LATS2: variants seen among roughly 807,000 people sequenced by gnomAD.
LATS2 encodes the protein large tumor suppressor kinase 2, also known as serine/threonine-protein kinase LATS2.
In LATS2, 24 loss-of-function variants were observed where a neutral mutation model predicts 76.0. That is an observed-to-expected ratio of 0.32 (90% CI 0.23 to 0.44). The LOEUF is 0.44. LATS2 is among the 20% of genes least tolerant of loss of function. The pLI, the probability that LATS2 is intolerant of heterozygous loss-of-function variation, is 1.00. For synonymous variants in LATS2, 692 were observed against 635.4 expected (o/e 1.09, Z -1.34); for missense variants, 1,286 against 1,481.2 (o/e 0.87, Z 2.16).
At chr13:21,023,491 T>C (rs1037006817) in intron 2 of LATS2, among the ~76,000 whole-genome samples, 1 of 151,550 alleles carries the variant, frequency 6.6e-6, no homozygotes, top group Non-Finnish European at 1.5e-5. Context: ...CTTCCCGTCC[T>C]TGGCCTCTGT....
intron 7 of LATS2, among the ~76,000 whole-genome samples, chr13:20,978,899 T>C (rs1869746329): frequency 6.6e-6 from 1 of 152,132 alleles, no homozygotes; most frequent in Non-Finnish European, 1.5e-5. Flanking sequence ...GTAGCTGGGA[T>C]TACAGGTGCA....
intron 2 of LATS2, among the ~76,000 whole-genome samples, chr13:21,027,231 A>T (rs1258321146): frequency 6.6e-6 from 1 of 152,210 alleles, no homozygotes; most frequent in African/African-American, 2.4e-5. Flanking sequence ...CCAATCTACC[A>T]GTTTTCCTTT....
At chr13:20,995,118 G>C (rs922881003) in intron 2 of LATS2, among the ~76,000 whole-genome samples, 3 of 152,072 alleles carry the variant, frequency 2.0e-5, no homozygotes, top group African/African-American at 7.2e-5. Context: ...GGTTGCTCTA[G>C]GGATGAAAGG....
chr13:20,995,158 T>TG (rs1870696577), intron 2 of LATS2, among the ~76,000 whole-genome samples: 1 of 152,174 alleles, frequency 6.6e-6, no homozygotes, highest in African/African-American at 2.4e-5. Context: ...CAGCATCACT[T>TG]AAGGGTTAGC....
intron 2 of LATS2, among the ~76,000 whole-genome samples, chr13:21,030,435 C>A (rs375208071): frequency 2.0e-5 from 3 of 151,370 alleles, no homozygotes; most frequent in African/African-American, 7.3e-5. Context: ...TAAAAATGCA[C>A]AAAATTAGCC....
chr13:20,986,174 T>C (rs1870132831), intron 4 of LATS2, among the ~76,000 whole-genome samples: 1 of 152,076 alleles, frequency 6.6e-6, no homozygotes, highest in South Asian at 2.1e-4. Flanking sequence ...CACAATGAGA[T>C]ATAATCTCTC....
At chr13:20,987,828 G>A (rs902593743) in intron 4 of LATS2, 53 bp downstream of exon 4, 1 of 1,574,230 alleles carries the variant, frequency 6.4e-7, no homozygotes, top group Non-Finnish European at 8.6e-7. Flanking sequence ...GCTTCCTATT[G>A]CCAGTAGAGG....
At chr13:21,000,395 T>C (rs1437552391) in intron 2 of LATS2, among the ~76,000 whole-genome samples, 1 of 151,850 alleles carries the variant, frequency 6.6e-6, no homozygotes, top group African/African-American at 2.4e-5. Flanking sequence ...ATAATAATAA[T>C]AATAATAAAG....
chr13:21,060,689 G>T (rs1873609852), intron 1 of LATS2, among the ~76,000 whole-genome samples: 1 of 151,626 alleles, frequency 6.6e-6, no homozygotes, highest in Non-Finnish European at 1.5e-5. Flanking sequence ...GGGCTGAGGG[G>T]CGGCGCGGCC....
intron 2 of LATS2, among the ~76,000 whole-genome samples, chr13:20,993,021 T>C (rs1217606864): frequency 1.7e-5 from 2 of 114,348 alleles, no homozygotes; most frequent in East Asian, 5.1e-4. Context: ...GGCGACAAAG[T>C]GTGACTCCAT....
intron 1 of LATS2, among the ~76,000 whole-genome samples, chr13:21,047,966 T>C (rs577244423): frequency 1.4e-3 from 208 of 152,316 alleles, no homozygotes; most frequent in Admixed American, 3.2e-3. Flanking sequence ...GAAATCCCTA[T>C]TTTAATACAC....
rs149570091 is a variant in LATS2 at position 20,992,379 on chromosome 13, T to C, written c.343-975A>G. ...ATCAGCAGGTCAGGCTGGGGGCGGCTGTGGGTGCAGAGCTGGAGGCACTCA... is the reference window on the plus strand; with the variant it reads ...ATCAGCAGGTCAGGCTGGGGGCGGCCGTGGGTGCAGAGCTGGAGGCACTCA... On this transcript the variant is annotated intron_variant, in intron 2 of 7. Coordinates refer to ENST00000382592, the MANE Select transcript of LATS2 (RefSeq NM_014572.3). Among the ~76,000 whole-genome samples the C allele has an allele frequency of 5.3e-3, 813 of 152,182 alleles. 9 individuals carry two copies. The highest frequency in any genetic ancestry group is 0.019 in the African/African-American group (775 of 41,518).
At position 20,983,476 on chromosome 13, in the gene LATS2, C is replaced by T; in HGVS notation, c.2230G>A (p.Val744Met). Residue 744 changes from valine (V) to methionine (M), a missense_variant, in exon 5 of 8, where the codon GTG (valine) becomes ATG (methionine). Transcript: ENST00000382592. ...SFQDKDSLYF[V>M]MDYIPGGDMM... Reference sequence around the variant, plus strand: ...TCCCCACCAGGGATGTAGTCCATCACAAAGTACAGGCTGTCTTTGTCTTGG... The same window carrying T: ...TCCCCACCAGGGATGTAGTCCATCATAAAGTACAGGCTGTCTTTGTCTTGG... The T allele has an allele frequency of 6.2e-7, 1 of 1,614,134 alleles. No individual in the cohort carries two copies. The highest frequency in any genetic ancestry group is 8.5e-7 in the Non-Finnish European group (1 of 1,180,038).
chr13:20,974,907 A>C lies in LATS2; in HGVS notation c.3230T>G (p.Val1077Gly). Reference sequence around the variant, plus strand: ...AGGCTGGCAGCCTTCAGTCTGATCCACCAGATCAGAGCTTTCTAAATCTGA... The same window carrying C: ...AGGCTGGCAGCCTTCAGTCTGATCCCCCAGATCAGAGCTTTCTAAATCTGA... ...ESSDLESSDL[V>G]DQTEGCQPVY... Residue 1077 changes from valine (V) to glycine (G), a missense_variant, in exon 8 of 8, where the codon GTG becomes GGG. Val to Gly is a moderately radical substitution (Grantham distance 109). Around this residue, in one of 5 missense-constraint regions of LATS2, gnomAD observed 210 missense variants for 234.9 expected, o/e 0.89. Transcript: ENST00000382592. The C allele has an allele frequency of 3.1e-6, 5 of 1,613,970 alleles. No homozygotes were observed. The highest frequency in any genetic ancestry group is 4.2e-6 in the Non-Finnish European group (5 of 1,179,944).
chr13:20,977,272 G>A (rs998119726), intron 7 of LATS2, among the ~76,000 whole-genome samples: 2 of 151,706 alleles, frequency 1.3e-5, no homozygotes, highest in Admixed American at 1.3e-4. Context: ...GCAGGCACCT[G>A]TAATCCCAGC....
At chr13:21,022,018 G>A (rs1872084698) in intron 2 of LATS2, among the ~76,000 whole-genome samples, 1 of 152,076 alleles carries the variant, frequency 6.6e-6, no homozygotes, top group Non-Finnish European at 1.5e-5. Flanking sequence ...TGAAAGTATA[G>A]TGGGCCCTGG....
In LATS2 at chr13:20,987,869, G is replaced by A. The variant is rs746465470; in HGVS notation, c.1899+12C>T. The A allele has an allele frequency of 3.1e-6, 5 of 1,608,832 alleles. No homozygotes were observed. Among genetic ancestry groups the A allele is most frequent in the Non-Finnish European group, 4.2e-6 (5 of 1,176,750 alleles). On this transcript the variant is annotated intron_variant, in intron 4 of 7. Transcript: ENST00000382592. Reference sequence around the variant, plus strand: ...GCCGGGAACAAATAGTAAAAATGAAGTGTGAAATTACTTTGGCCATTTCTT... The same window carrying A: ...GCCGGGAACAAATAGTAAAAATGAAATGTGAAATTACTTTGGCCATTTCTT...
intron 2 of LATS2, among the ~76,000 whole-genome samples, chr13:20,994,443 T>C (rs1249088002): frequency 6.6e-5 from 10 of 152,212 alleles, no homozygotes; most frequent in African/African-American, 2.4e-4. Context: ...ATACATGGCC[T>C]CTGGGCACAA....
At chr13:20,996,838 G>C (rs953988443) in intron 2 of LATS2, among the ~76,000 whole-genome samples, 3 of 152,174 alleles carry the variant, frequency 2.0e-5, no homozygotes, top group Non-Finnish European at 4.4e-5. Flanking sequence ...CTTACCTGGA[G>C]CCCTTATCTG....
Sources: allele counts gnomAD v4.1 joint callset (sites outside exome capture counted in the v4.1 genomes callset), GRCh38; gene constraint gnomAD v4.1.1; regional missense constraint gnomAD v4.1.1; transcripts MANE v1.5; gene names NCBI Gene and HGNC (gene_info 2026-07-23, HGNC 2026-07-21).